The following IQCH variants were observed in gnomAD, a reference collection of about 807,000 sequenced individuals.
IQCH encodes IQ domain-containing protein H.
In IQCH, 98 loss-of-function variants were observed where a neutral mutation model predicts 117.0. That is an observed-to-expected ratio of 0.84 (90% confidence interval 0.71 to 0.99). The LOEUF (loss-of-function observed/expected upper bound fraction) is 0.99, where lower values mean the gene tolerates loss of function less well. Among genes scored for constraint, IQCH ranks in the 50% least tolerant of loss-of-function variants. The pLI is 0.00. For synonymous variants in IQCH, 412 were observed against 448.2 expected, an observed-to-expected ratio of 0.92 and a Z score of 1.02; for missense variants, 1,102 against 1,243.8, an observed-to-expected ratio of 0.89 and a Z score of 1.72.
chr15:67,285,784 G>C (rs1187396814), intron 4 of IQCH, among the ~76,000 whole-genome samples: 1 of 151,918 alleles, frequency 6.6e-6, no homozygotes, highest in East Asian at 1.9e-4. Context: ...TTATTTCTGG[G>C]TTCTCTATTC....
At chr15:67,255,060 C>T (rs1965085343) in intron 1 of IQCH, 113 bp downstream of exon 1, 1 of 1,052,540 alleles carries the variant, frequency 9.5e-7, no homozygotes, top group Non-Finnish European at 1.4e-6. Flanking sequence ...CCCTAGACTC[C>T]CTCCAACTCG....
chr15:67,439,065 A>G (rs1365429932), intron 16 of IQCH, among the ~76,000 whole-genome samples: 1 of 152,234 alleles, frequency 6.6e-6, no homozygotes, highest in African/African-American at 2.4e-5. Context: ...GACTTAACAG[A>G]TATATACAGA....
intron 1 of IQCH, among the ~76,000 whole-genome samples, chr15:67,255,920 C>CA (rs1965162520): frequency 6.6e-6 from 1 of 152,182 alleles, no homozygotes; most frequent in Non-Finnish European, 1.5e-5. Context: ...CACCATCACG[C>CA]AGCAATGAGT....
intron 4 of IQCH, among the ~76,000 whole-genome samples, chr15:67,287,725 A>G (rs1252927631): frequency 6.6e-6 from 1 of 151,320 alleles, no homozygotes; most frequent in African/African-American, 2.4e-5. Flanking sequence ...GATATTTTGT[A>G]CTTTATTTCA....
At chr15:67,498,373 T>C (rs2083883080) in intron 20 of IQCH, among the ~76,000 whole-genome samples, 1 of 152,094 alleles carries the variant, frequency 6.6e-6, no homozygotes, top group African/African-American at 2.4e-5. Context: ...CCCAGCACTT[T>C]GGGAGGCCGA....
At position 67,381,006 on chromosome 15, in the gene IQCH, C is replaced by T. The variant is rs1364964773; in HGVS notation, c.1373-3930C>T. ...GAGACAAAAGAAACTAGGAGTCACC[C>T]ACTGGGTAAGAAGCTGAGTTTTCAA... On this transcript the variant is annotated intron_variant, in intron 10 of 20. Coordinates refer to ENST00000335894, the MANE Select transcript of IQCH (RefSeq NM_001031715.3). This position sits in a 1 kb window ranked among gnomAD's most constrained non-coding sequence, Gnocchi z 5.1. Among the ~76,000 whole-genome samples the T allele has an allele frequency of 2.6e-5, 4 of 152,118 alleles. No homozygotes were observed. The highest frequency in any genetic ancestry group is 7.2e-5 in the African/African-American group (3 of 41,424).
At chr15:67,293,510 T>C (rs2140508693) in intron 4 of IQCH, among the ~76,000 whole-genome samples, 1 of 152,328 alleles carries the variant, frequency 6.6e-6, no homozygotes, top group South Asian at 2.1e-4. Context: ...ATGTAAATGT[T>C]CTGTAAATAG....
intron 20 of IQCH, among the ~76,000 whole-genome samples, chr15:67,499,401 A>G (rs765967347): frequency 1.1e-4 from 17 of 152,088 alleles, no homozygotes; most frequent in Non-Finnish European, 1.8e-4. Context: ...CAAAGCTACA[A>G]TGAAACATTT....
At chr15:67,287,066 T>C (rs1966591070) in intron 4 of IQCH, among the ~76,000 whole-genome samples, 1 of 152,252 alleles carries the variant, frequency 6.6e-6, no homozygotes, top group Admixed American at 6.5e-5. Context: ...TGATATGATG[T>C]ATCACATTGA....
In IQCH at chr15:67,381,814, CTACAAAAAT is replaced by C. The variant is rs1970939627; in HGVS notation, c.1373-3110_1373-3102del. ...TGGGCAACATGGCGAAACCCTGGCTCTACAAAAATTACAAAAATTAGCCAGGTGTGGTAG... is the reference window on the plus strand; with the variant it reads ...TGGGCAACATGGCGAAACCCTGGCTCTACAAAAATTAGCCAGGTGTGGTAG... On this transcript the variant is annotated intron_variant, in intron 10 of 20. Transcript: ENST00000335894. The surrounding 1 kb of genome is among the most constrained non-coding windows in gnomAD (Gnocchi z 5.1). Among the ~76,000 whole-genome samples, 1 of 151,612 alleles carries C rather than the reference CTACAAAAAT, an allele frequency of 6.6e-6. No individual in the cohort carries two copies. The highest frequency in any genetic ancestry group is 2.4e-5 in the African/African-American group (1 of 41,240).
chr15:67,354,950 A>G (rs1209254075), intron 6 of IQCH, among the ~76,000 whole-genome samples: 2 of 152,190 alleles, frequency 1.3e-5, no homozygotes, highest in African/African-American at 2.4e-5. Flanking sequence ...GTCTCTTCCC[A>G]GAAGCCTTGG....
intron 4 of IQCH, among the ~76,000 whole-genome samples, chr15:67,316,131 T>G (rs1445226672): frequency 6.6e-6 from 1 of 152,112 alleles, no homozygotes; most frequent in Non-Finnish European, 1.5e-5. Flanking sequence ...CCTAACCACT[T>G]TAAGATTGTT....
rs1374650984 is a variant in IQCH, at chr15:67,384,958, A to C, written c.1395A>C (p.Glu465Asp). The C allele has an allele frequency of 1.2e-6, 2 of 1,612,020 alleles. No homozygotes were observed. Among genetic ancestry groups the C allele is most frequent in the Non-Finnish European group, 1.7e-6 (2 of 1,178,274 alleles). ...TAGGGTATTCCCAGCCTGTGAGAGA[A>C]CATATTGCCGATTTCAACACACAGC... ...PSLGYSQPVR[E>D]HIADFNTQQN... Residue 465 changes from glutamate (E) to aspartate (D), a missense_variant, in exon 11 of 21, where the codon GAA becomes GAC. Physicochemically the swap from Glu to Asp is conservative, Grantham distance 45. Around this residue, in one of 2 missense-constraint regions of IQCH, gnomAD observed 650 missense variants for 794.3 expected, o/e 0.82. Coordinates refer to ENST00000335894, the MANE Select transcript of IQCH (RefSeq NM_001031715.3). This position sits in a 1 kb window ranked among gnomAD's most constrained non-coding sequence, Gnocchi z 4.3.
chr15:67,317,701 G>A (rs557774626), intron 4 of IQCH, among the ~76,000 whole-genome samples: 3 of 151,966 alleles, frequency 2.0e-5, no homozygotes, highest in Admixed American at 6.6e-5. Context: ...ATATCTTCTA[G>A]GGTACCTTAC....
rs111999449 is a variant in IQCH, at chr15:67,319,820, C to G, written c.388-17155C>G. Among the ~76,000 whole-genome samples, 16 of 152,242 alleles carry G rather than the reference C, an allele frequency of 1.1e-4. 1 individual carries two copies. The highest frequency in any genetic ancestry group is 2.0e-4 in the Admixed American group (3 of 15,290). On this transcript the variant is annotated intron_variant, in intron 4 of 20. Coordinates refer to ENST00000335894, the MANE Select transcript of IQCH (RefSeq NM_001031715.3). The stretch of plus-strand genomic sequence containing the variant: ...TATATTTTATTTTGACAATCTGATT[C>G]AGAATCTAGACAAATTATTTGAAGA...
chr15:67,317,574 CCAT>C (rs1294168341), intron 4 of IQCH, among the ~76,000 whole-genome samples: 1 of 152,096 alleles, frequency 6.6e-6, no homozygotes, highest in African/African-American at 2.4e-5. Flanking sequence ...CTTGCCTAGG[CCAT>C]CATAGCATGC....
rs1035804772 is a variant in IQCH at position 67,426,982 on chromosome 15, C to CAAA, written c.2505+5415_2505+5417dup. 7.9e-6 allele frequency among the ~76,000 whole-genome samples: 1 copy of CAAA among 126,460 alleles called. No homozygotes were observed. Among genetic ancestry groups the CAAA allele is most frequent in the Non-Finnish European group, 1.7e-5 (1 of 58,648 alleles). The allele number at this position is 126,460 out of a possible 152,430, so 83.0% of individuals were successfully genotyped here. ...GCCTGGGCAACAGAGACCCAGTATC[C>CAAA]AAAAAAAAAAAAGAAGAAGAAAATC... On this transcript the variant is annotated intron_variant, in intron 16 of 20. Coordinates refer to ENST00000335894, the MANE Select transcript of IQCH (RefSeq NM_001031715.3). This position sits in a 1 kb window ranked among gnomAD's most constrained non-coding sequence, Gnocchi z 5.1.
intron 3 of IQCH, among the ~76,000 whole-genome samples, chr15:67,276,546 T>C (rs1966132009): frequency 6.6e-6 from 1 of 152,242 alleles, no homozygotes; most frequent in African/African-American, 2.4e-5. Flanking sequence ...ATTCTCTTAG[T>C]TGTTATTTGT....
Position 67,391,341 on chromosome 15 carries a change from T to C in IQCH, c.1632+2335T>C, listed in dbSNP as rs1971278696. 6.6e-6 allele frequency among the ~76,000 whole-genome samples: 1 copy of C among 152,212 alleles called. No individual in the cohort carries two copies. The highest frequency in any genetic ancestry group is 6.5e-5 in the Admixed American group (1 of 15,276). On this transcript the variant is annotated intron_variant, in intron 12 of 20. Transcript: ENST00000335894. The surrounding 1 kb of genome is among the most constrained non-coding windows in gnomAD (Gnocchi z 4.3). ...CTTTCAAATCAGTTCTTGTTCATGT[T>C]TGGTAGTTGCTTTATTTGTTGTTAA...
Sources: allele counts gnomAD v4.1 joint callset (sites outside exome capture counted in the v4.1 genomes callset), GRCh38; gene constraint gnomAD v4.1.1; regional missense constraint gnomAD v4.1.1; non-coding constraint Gnocchi (gnomAD v3.1); transcripts MANE v1.5; gene names NCBI Gene and HGNC (gene_info 2026-07-23, HGNC 2026-07-21).